Variants in CTNNA3 observed in about 807,000 individuals in gnomAD.
CTNNA3 encodes catenin alpha-3.
CTNNA3 carries 76 observed loss-of-function variants against 95.7 expected under a neutral mutation model. The ratio of observed to expected loss-of-function variants is 0.79; its 90% CI spans 0.66 to 0.96. CTNNA3 has a LOEUF of 0.96. Ranked by LOEUF, CTNNA3 falls within the 40% of genes least tolerant of loss-of-function variation. The pLI is 0.00. For missense variants in CTNNA3, 1,191 were observed against 1,089.8 expected (o/e 1.09, Z -1.31); for synonymous variants, 431 against 374.4 (o/e 1.15, Z -1.74).
At chr10:66,620,785 T>C (rs936399392) in intron 10 of CTNNA3, among the ~76,000 whole-genome samples, 4 of 152,168 alleles carry the variant, frequency 2.6e-5, no homozygotes, top group Admixed American at 1.3e-4. Context: ...TTAATATTCT[T>C]AGAGATGAAA....
chr10:67,733,062 C>T (rs922646473), intron 1 of CTNNA3, among the ~76,000 whole-genome samples: 9 of 152,206 alleles, frequency 5.9e-5, no homozygotes, highest in Non-Finnish European at 1.0e-4. Context: ...TCCAACACCC[C>T]ACTACATAAT....
At chr10:67,319,977 T>C (rs16924375) in intron 5 of CTNNA3, among the ~76,000 whole-genome samples, 9,575 of 151,910 alleles carry the variant, frequency 0.063, 480 homozygotes, top group East Asian at 0.26. Flanking sequence ...CTTACATTTA[T>C]GGAAAAGTAG....
In CTNNA3 at chr10:66,353,487, T is replaced by G. The variant is rs1330525173; in HGVS notation, c.1732+25665A>C. Among the ~76,000 whole-genome samples, 7 of 152,114 alleles carry G rather than the reference T, an allele frequency of 4.6e-5. No individual in the cohort carries two copies. In the East Asian group the frequency reaches 1.3e-3, roughly 29 times the overall value. ...AAATATTGTTGTCTTGTTTTTGTAT[T>G]TTTCATATCCAGAGAATCAAGTCAT... On this transcript the variant is annotated intron_variant, in intron 12 of 17. Coordinates refer to ENST00000433211, the MANE Select transcript of CTNNA3 (RefSeq NM_013266.4).
At chr10:66,451,670 A>G (rs1047425317) in intron 11 of CTNNA3, among the ~76,000 whole-genome samples, 1 of 152,158 alleles carries the variant, frequency 6.6e-6, no homozygotes, top group Non-Finnish European at 1.5e-5. Context: ...AGACTTTAAG[A>G]CAAGACTGAT....
At chr10:66,929,980 T>C (rs1847284239) in intron 7 of CTNNA3, among the ~76,000 whole-genome samples, 2 of 152,138 alleles carry the variant, frequency 1.3e-5, no homozygotes, top group Admixed American at 6.5e-5. Flanking sequence ...AACCCCTACA[T>C]CTTTAACCAT....
At chr10:66,089,277 T>C (rs2081118619) in intron 14 of CTNNA3, among the ~76,000 whole-genome samples, 1 of 151,852 alleles carries the variant, frequency 6.6e-6, no homozygotes, top group Non-Finnish European at 1.5e-5. Flanking sequence ...CTTCAGTTCA[T>C]TGCACACTAT....
At chr10:66,515,872 TG>T (rs1293111448) in intron 11 of CTNNA3, among the ~76,000 whole-genome samples, 4 of 152,046 alleles carry the variant, frequency 2.6e-5, no homozygotes, top group Non-Finnish European at 4.4e-5. Flanking sequence ...GTGGGAATTA[TG>T]GGAACTATAA....
intron 7 of CTNNA3, among the ~76,000 whole-genome samples, chr10:66,808,413 G>A (rs2132255720): frequency 6.6e-6 from 1 of 152,290 alleles, no homozygotes; most frequent in African/African-American, 2.4e-5. Context: ...CATACTCAGT[G>A]TTGGCAAGTA....
At chr10:67,663,014 G>T (rs796994100) in intron 1 of CTNNA3, among the ~76,000 whole-genome samples, 18 of 152,228 alleles carry the variant, frequency 1.2e-4, no homozygotes, top group African/African-American at 4.3e-4. Context: ...TAAGTTCTCT[G>T]AATTAATACT....
chr10:66,608,530 C>T (rs1171830328), intron 10 of CTNNA3, among the ~76,000 whole-genome samples: 1 of 152,032 alleles, frequency 6.6e-6, no homozygotes, highest in Non-Finnish European at 1.5e-5. Flanking sequence ...AGGCAACATG[C>T]TACTAGCTTC....
chr10:66,871,186 G>C (rs1401276248), intron 7 of CTNNA3, among the ~76,000 whole-genome samples: 1 of 152,150 alleles, frequency 6.6e-6, no homozygotes, highest in Admixed American at 6.5e-5. Flanking sequence ...ATCTTAGGTT[G>C]AAGAAAATCA....
chr10:67,579,812 G>A (rs1043926267), intron 3 of CTNNA3, among the ~76,000 whole-genome samples: 4 of 152,188 alleles, frequency 2.6e-5, no homozygotes, highest in Non-Finnish European at 5.9e-5. Flanking sequence ...CAGTGATGAT[G>A]AGCATTTTTT....
intron 7 of CTNNA3, among the ~76,000 whole-genome samples, chr10:67,052,243 A>G (rs907189248): frequency 2.0e-5 from 3 of 151,836 alleles, no homozygotes; most frequent in African/African-American, 7.3e-5. Flanking sequence ...ACTGCAAAGC[A>G]CTGCCTCTTC....
In CTNNA3 at chr10:66,650,078, T is replaced by A. The variant is rs186060003; in HGVS notation, c.1282-28294A>T. Reference sequence around the variant, plus strand: ...AAAATATCAATAAGTAAACATCAGATTAAAACTACACTTTAGACCAAATAG... The same window carrying A: ...AAAATATCAATAAGTAAACATCAGAATAAAACTACACTTTAGACCAAATAG... On this transcript the variant is annotated intron_variant, in intron 9 of 17. Transcript: ENST00000433211. 3.9e-5 allele frequency among the ~76,000 whole-genome samples: 6 copies of A among 152,284 alleles called. No individual in the cohort carries two copies. In the East Asian group the frequency reaches 1.2e-3, roughly 29 times the overall value.
At chr10:66,459,546 C>A (rs1448020230) in intron 11 of CTNNA3, among the ~76,000 whole-genome samples, 2 of 152,080 alleles carry the variant, frequency 1.3e-5, no homozygotes, top group African/African-American at 4.8e-5. Flanking sequence ...ATTTTCTTTT[C>A]TTTAAAAACA....
intron 9 of CTNNA3, among the ~76,000 whole-genome samples, chr10:66,720,298 A>G (rs1848585426): frequency 6.7e-6 from 1 of 149,664 alleles, no homozygotes. Flanking sequence ...CCTCCTGCCA[A>G]TCATCCACTC....
intron 7 of CTNNA3, among the ~76,000 whole-genome samples, chr10:67,118,998 C>G (rs546655565): frequency 4.7e-4 from 71 of 151,964 alleles, no homozygotes; most frequent in African/African-American, 1.6e-3. Flanking sequence ...TTAGATACTT[C>G]CCCAAATTTT....
intron 1 of CTNNA3, among the ~76,000 whole-genome samples, chr10:67,738,269 T>C: frequency 6.6e-6 from 1 of 152,230 alleles, no homozygotes; most frequent in East Asian, 1.9e-4. Context: ...CAATATTTGC[T>C]GTTCTGCAGC....
rs553662478 is a variant in CTNNA3 at position 66,983,409 on chromosome 10, G to A, written c.1047+196908C>T. Among the ~76,000 whole-genome samples, 14 of 152,078 alleles carry A rather than the reference G, an allele frequency of 9.2e-5. No individual in the cohort carries two copies. In the South Asian group the frequency reaches 1.2e-3, roughly 14 times the overall value. ...GTTTAGGCACTAGTGAGTTTTGTAC[G>A]GGTGCCCAGGCATCCCCAGATGGAG... On this transcript the variant is annotated intron_variant, in intron 7 of 17. Coordinates refer to ENST00000433211, the MANE Select transcript of CTNNA3 (RefSeq NM_013266.4).
Sources: gnomAD v4.1 joint callset for allele counts (sites outside exome capture counted in the v4.1 genomes callset) on GRCh38, gnomAD v4.1.1 for gene constraint, MANE v1.5 for transcripts, NCBI Gene and HGNC (gene_info 2026-07-23, HGNC 2026-07-21) for gene names.